Variants in DLGAP1 observed in about 807,000 individuals in gnomAD.
DLGAP1 encodes disks large-associated protein 1.
A neutral mutation model predicts 90.8 loss-of-function variants in DLGAP1; 11 were observed. The observed-to-expected ratio is 0.12, with a 90% CI of 0.08 to 0.20. The LOEUF (loss-of-function observed/expected upper bound fraction) is 0.20, where lower values mean the gene tolerates loss of function less well. Ranked by LOEUF, DLGAP1 falls within the 10% of genes least tolerant of loss-of-function variation. The probability of loss-of-function intolerance (pLI) is 1.00; values close to 1 mark genes in which losing one functional copy is unlikely to be tolerated. For synonymous variants in DLGAP1, 558 were observed against 540.7 expected (o/e 1.03, Z -0.44); for missense variants, 1,050 against 1,333.8 (o/e 0.79, Z 3.31).
intron 1 of DLGAP1, among the ~76,000 whole-genome samples, chr18:4,451,351 G>C (rs2083824904): frequency 6.6e-6 from 1 of 152,016 alleles, no homozygotes; most frequent in African/African-American, 2.4e-5. Flanking sequence ...TGTTTGGCAG[G>C]GTTACAGGGA....
intron 4 of DLGAP1, among the ~76,000 whole-genome samples, chr18:3,827,904 A>G (rs747981670): frequency 6.6e-6 from 1 of 152,196 alleles, no homozygotes; most frequent in Non-Finnish European, 1.5e-5. Flanking sequence ...TTCATTATTA[A>G]TCAGAGAGAC....
chr18:4,143,204 G>A (rs569085792), intron 2 of DLGAP1, among the ~76,000 whole-genome samples: 1 of 152,088 alleles, frequency 6.6e-6, no homozygotes, highest in Non-Finnish European at 1.5e-5. Context: ...TACCCTTCAG[G>A]ATGGCAAGTT....
intron 5 of DLGAP1, among the ~76,000 whole-genome samples, chr18:3,761,990 G>A (rs2063989840): frequency 6.6e-6 from 1 of 152,156 alleles, no homozygotes; most frequent in African/African-American, 2.4e-5. Context: ...AACATTTGGG[G>A]ACCAACACAA....
chr18:3,802,721 C>A (rs1227522842), intron 5 of DLGAP1, among the ~76,000 whole-genome samples: 1 of 152,070 alleles, frequency 6.6e-6, no homozygotes, highest in Non-Finnish European at 1.5e-5. Flanking sequence ...GGCACTGAAT[C>A]GTATATGTGC....
At chr18:4,145,247 A>G (rs963485874) in intron 2 of DLGAP1, among the ~76,000 whole-genome samples, 2 of 152,236 alleles carry the variant, frequency 1.3e-5, no homozygotes, top group Non-Finnish European at 2.9e-5. Flanking sequence ...TAAACACAGT[A>G]TTCTACAATC....
At chr18:3,741,330 TCACCAC>T (rs376924253) in intron 6 of DLGAP1, among the ~76,000 whole-genome samples, 24 of 64,004 alleles carry the variant, frequency 3.7e-4, no homozygotes, top group Middle Eastern at 0.016. Context: ...ACCACCACCA[TCACCAC>T]CACCACCACC....
At chr18:3,779,686 T>C (rs1052532984) in intron 5 of DLGAP1, among the ~76,000 whole-genome samples, 3 of 152,144 alleles carry the variant, frequency 2.0e-5, no homozygotes, top group Admixed American at 2.0e-4. Flanking sequence ...TTGCTTGCTC[T>C]GATGCAAAGA....
Position 3,706,024 on chromosome 18 carries a change from C to T in DLGAP1, c.1591+23111G>A, listed in dbSNP as rs1218589523. Among the ~76,000 whole-genome samples the T allele has an allele frequency of 2.1e-5, 3 of 139,920 alleles. No homozygotes were observed. The Admixed American group carries it at 2.2e-4, about 10-fold the overall frequency. 91.8% of individuals were successfully genotyped at this position (139,920 alleles called of 152,430 possible). A position where few individuals can be genotyped will look rare whatever the true frequency, so the allele number is the denominator to read the frequency against. ...AGATGGAATCTCACTCACTCTGTCG[C>T]CCAGGCTGGATCGCCCAGGCTGGAT... On this transcript the variant is annotated intron_variant, in intron 7 of 12. Transcript: ENST00000315677.
intron 8 of DLGAP1, among the ~76,000 whole-genome samples, chr18:3,568,226 C>T (rs921762321): frequency 5.9e-5 from 9 of 152,072 alleles, no homozygotes; most frequent in African/African-American, 2.2e-4. Flanking sequence ...AAGATAACAA[C>T]ATACAAAATA....
At chr18:3,776,568 G>A (rs1056482416) in intron 5 of DLGAP1, among the ~76,000 whole-genome samples, 3 of 152,104 alleles carry the variant, frequency 2.0e-5, no homozygotes, top group African/African-American at 4.8e-5. Flanking sequence ...GGGCTGTGCC[G>A]ACTCTCCGTT....
At chr18:3,820,641 A>G (rs1489489841) in intron 4 of DLGAP1, among the ~76,000 whole-genome samples, 1 of 152,226 alleles carries the variant, frequency 6.6e-6, no homozygotes, top group African/African-American at 2.4e-5. Context: ...TTGAAAAGGA[A>G]TGGTAAATAG....
intron 7 of DLGAP1, among the ~76,000 whole-genome samples, chr18:3,585,008 C>T (rs1326633722): frequency 6.6e-6 from 1 of 152,180 alleles, no homozygotes; most frequent in East Asian, 1.9e-4. Context: ...CCATCTTGGC[C>T]TCTCAAAGTG....
At chr18:4,055,419 T>C (rs11664128) in intron 2 of DLGAP1, among the ~76,000 whole-genome samples, 22,917 of 152,252 alleles carry the variant, frequency 0.15, 2,178 homozygotes, top group Non-Finnish European at 0.2. Context: ...TAGTTTTTTA[T>C]CCTCACTGTC....
intron 1 of DLGAP1, among the ~76,000 whole-genome samples, chr18:4,283,831 C>G (rs1420474707): frequency 2.0e-5 from 3 of 152,078 alleles, no homozygotes; most frequent in Non-Finnish European, 4.4e-5. Context: ...CTATGTAAAA[C>G]TGTAACTTCA....
intron 1 of DLGAP1, among the ~76,000 whole-genome samples, chr18:4,317,289 ATTC>A (rs1157117088): frequency 6.6e-6 from 1 of 152,080 alleles, no homozygotes; most frequent in East Asian, 1.9e-4. Context: ...GGCTTATTTA[ATTC>A]TTCATCTATT....
At chr18:3,625,372 T>G (rs1396627095) in intron 7 of DLGAP1, among the ~76,000 whole-genome samples, 1 of 152,206 alleles carries the variant, frequency 6.6e-6, no homozygotes, top group African/African-American at 2.4e-5. Flanking sequence ...AGGAGAGACC[T>G]CCTCAGGTGA....
chr18:3,583,184 ACCTT>A (rs1194711711), intron 7 of DLGAP1, among the ~76,000 whole-genome samples: 1,478 of 127,762 alleles, frequency 0.012, 20 homozygotes, highest in Non-Finnish European at 0.012. Context: ...CTACCTACCT[ACCTT>A]CCTTCCTTCC....
In DLGAP1 at chr18:4,269,624, C is replaced by G. The variant is rs56881740; in HGVS notation, c.-266-118337G>C. 4.7e-3 allele frequency among the ~76,000 whole-genome samples: 721 copies of G among 152,082 alleles called. 4 individuals are homozygous for G. The highest frequency in any genetic ancestry group is 0.013 in the African/African-American group (548 of 41,512). On this transcript the variant is annotated intron_variant, in intron 1 of 12. Coordinates refer to ENST00000315677, the MANE Select transcript of DLGAP1 (RefSeq NM_004746.4). ...CCGCCTTGGCCTCCCAAAGTGCTGG[C>G]ATTACAGGCGTGAGCCACCGCGCCC...
At chr18:4,272,627 C>A (rs940873909) in intron 1 of DLGAP1, among the ~76,000 whole-genome samples, 2 of 152,156 alleles carry the variant, frequency 1.3e-5, no homozygotes, top group Non-Finnish European at 2.9e-5. Context: ...TGTTTTGCAG[C>A]ACCATATGAA....
Sources: gnomAD v4.1 joint callset for allele counts (sites outside exome capture counted in the v4.1 genomes callset) on GRCh38, gnomAD v4.1.1 for gene constraint, MANE v1.5 for transcripts, NCBI Gene and HGNC (gene_info 2026-07-23, HGNC 2026-07-21) for gene names.